Variants in DLG2 observed in about 807,000 individuals in gnomAD.
DLG2 encodes the protein discs large MAGUK scaffold protein 2, also known as disks large homolog 2.
A neutral mutation model predicts 132.5 loss-of-function variants in DLG2; 45 were observed. The observed-to-expected ratio is 0.34, with a 90% CI of 0.27 to 0.44. The LOEUF is 0.44. Among genes scored for constraint, DLG2 ranks in the 20% least tolerant of loss-of-function variants. The pLI is 1.00. For synonymous variants in DLG2, 424 were observed against 419.6 expected (o/e 1.01, Z -0.13); for missense variants, 1,045 against 1,196.9 (o/e 0.87, Z 1.87).
intron 6 of DLG2, among the ~76,000 whole-genome samples, chr11:84,695,699 G>A (rs1373021251): frequency 6.6e-6 from 1 of 151,336 alleles, no homozygotes; most frequent in African/African-American, 2.4e-5. Flanking sequence ...TTATGTGATT[G>A]GTACTATTGA....
intron 19 of DLG2, among the ~76,000 whole-genome samples, chr11:83,603,109 G>A (rs1249026330): frequency 6.6e-6 from 1 of 152,000 alleles, no homozygotes; most frequent in Non-Finnish European, 1.5e-5. Context: ...AGTGATGGTA[G>A]TGGGAGAGAG....
intron 2 of DLG2, among the ~76,000 whole-genome samples, chr11:85,601,296 C>T (rs1380609062): frequency 6.6e-6 from 1 of 152,084 alleles, no homozygotes; most frequent in Non-Finnish European, 1.5e-5. Flanking sequence ...GCATGAGCCA[C>T]CATGCCTGGT....
At chr11:85,042,260 A>G (rs2061941089) in intron 6 of DLG2, among the ~76,000 whole-genome samples, 1 of 151,936 alleles carries the variant, frequency 6.6e-6, no homozygotes, top group East Asian at 1.9e-4. Context: ...TAGCACTGAA[A>G]ACTATAAAAA....
chr11:85,037,455 T>TA (rs2061515871), intron 6 of DLG2, among the ~76,000 whole-genome samples: 1 of 152,130 alleles, frequency 6.6e-6, no homozygotes. Flanking sequence ...TTTAATGGAG[T>TA]AGACATTGTT....
At chr11:85,310,203 A>C (rs368387838) in intron 3 of DLG2, among the ~76,000 whole-genome samples, 2 of 152,212 alleles carry the variant, frequency 1.3e-5, no homozygotes, top group African/African-American at 4.8e-5. Flanking sequence ...AGCTTGAGGT[A>C]TATATTCCTT....
chr11:83,577,927 T>C (rs1455006959), intron 19 of DLG2, among the ~76,000 whole-genome samples: 1 of 126,296 alleles, frequency 7.9e-6, no homozygotes, highest in African/African-American at 3.0e-5. Flanking sequence ...TATATATTTA[T>C]AATATATAAT....
intron 10 of DLG2, among the ~76,000 whole-genome samples, chr11:84,072,315 C>T (rs1007438935): frequency 6.6e-6 from 1 of 152,220 alleles, no homozygotes. Flanking sequence ...CAGGCCTCTT[C>T]CTCTGCCTGA....
intron 6 of DLG2, chr11:84,923,275 T>A (rs1327119699): frequency 1.6e-5 from 24 of 1,479,136 alleles, no homozygotes; most frequent in Non-Finnish European, 2.2e-5. Context: ...CAAAACGACA[T>A]GTCTTGAAGG....
intron 18 of DLG2, among the ~76,000 whole-genome samples, chr11:83,759,527 T>C (rs1042794221): frequency 3.3e-5 from 5 of 151,300 alleles, no homozygotes; most frequent in African/African-American, 9.7e-5. Flanking sequence ...TTTTTATTGA[T>C]TTTTTTTTCA....
chr11:85,466,577 T>A (rs1043114275), intron 3 of DLG2, among the ~76,000 whole-genome samples: 1 of 152,140 alleles, frequency 6.6e-6, no homozygotes, highest in African/African-American at 2.4e-5. Flanking sequence ...ATCCTTTCCC[T>A]ACTTCTTGTT....
intron 6 of DLG2, among the ~76,000 whole-genome samples, chr11:84,987,402 A>C (rs2056615348): frequency 6.6e-6 from 1 of 152,204 alleles, no homozygotes. Flanking sequence ...CATTCCTCAC[A>C]GAATTAGAAA....
chr11:85,433,976 C>A (rs1160027374), intron 3 of DLG2, among the ~76,000 whole-genome samples: 1 of 152,166 alleles, frequency 6.6e-6, no homozygotes, highest in Non-Finnish European at 1.5e-5. Context: ...GTCCCTCAGA[C>A]CACAGTGCAA....
At chr11:83,990,397 A>G (rs1354268473) in intron 11 of DLG2, among the ~76,000 whole-genome samples, 2 of 152,086 alleles carry the variant, frequency 1.3e-5, no homozygotes, top group African/African-American at 4.8e-5. Flanking sequence ...GGAAGTCTGA[A>G]CCTGATTAAA....
intron 7 of DLG2, among the ~76,000 whole-genome samples, chr11:84,471,124 C>CA (rs1273719205): frequency 1.3e-5 from 2 of 151,750 alleles, no homozygotes; most frequent in Non-Finnish European, 2.9e-5. Context: ...CAGCTAGTAA[C>CA]ATTCTGGCAA....
chr11:84,182,111 T>C (rs530276939), intron 8 of DLG2, among the ~76,000 whole-genome samples: 5 of 152,270 alleles, frequency 3.3e-5, no homozygotes, highest in African/African-American at 4.8e-5. Context: ...GTCATCAGGA[T>C]AGACCAAATT....
At chr11:83,652,550 T>G (rs1158173659) in intron 18 of DLG2, among the ~76,000 whole-genome samples, 1 of 152,162 alleles carries the variant, frequency 6.6e-6, no homozygotes, top group East Asian at 1.9e-4. Flanking sequence ...TTTGTTATTT[T>G]TAGTAGAGAC....
chr11:84,971,159 A>T (rs1306586983), intron 6 of DLG2, among the ~76,000 whole-genome samples: 1 of 152,206 alleles, frequency 6.6e-6, no homozygotes, highest in African/African-American at 2.4e-5. Flanking sequence ...TTTACCGTTC[A>T]TTCCCAATGT....
intron 7 of DLG2, among the ~76,000 whole-genome samples, chr11:84,528,992 G>C (rs1232998038): frequency 6.6e-6 from 1 of 152,158 alleles, no homozygotes; most frequent in African/African-American, 2.4e-5. Context: ...AGTAGCTTTA[G>C]GTTGGTAGCC....
At chr11:85,444,540 C>T (rs1008180074) in intron 3 of DLG2, among the ~76,000 whole-genome samples, 2 of 152,212 alleles carry the variant, frequency 1.3e-5, no homozygotes, top group Non-Finnish European at 2.9e-5. Flanking sequence ...TACCAAGATC[C>T]TTTGGAGCTA....
Sources: gnomAD v4.1 joint callset for allele counts (sites outside exome capture counted in the v4.1 genomes callset) on GRCh38, gnomAD v4.1.1 for gene constraint, MANE v1.5 for transcripts, NCBI Gene and HGNC (gene_info 2026-07-23, HGNC 2026-07-21) for gene names.